Variants in EPB41 observed in about 807,000 individuals in gnomAD.
EPB41 encodes the protein protein 4.1.
EPB41 carries 65 observed loss-of-function variants against 108.0 expected under a neutral mutation model. The observed-to-expected ratio is 0.60, with a 90% confidence interval of 0.49 to 0.74. The LOEUF (loss-of-function observed/expected upper bound fraction) is 0.74. EPB41 is among the 30% of genes least tolerant of loss of function. The pLI is 0.00. For missense variants in EPB41, 875 were observed against 1,037.0 expected, an observed-to-expected ratio of 0.84 and a Z score of 2.15; for synonymous variants, 336 against 358.9, an observed-to-expected ratio of 0.94 and a Z score of 0.72.
At chr1:29,096,254 C>G in intron 16 of EPB41, 1 of 985,816 alleles carries the variant, frequency 1.0e-6, no homozygotes, top group Non-Finnish European at 1.2e-6. Flanking sequence ...TTCGGTAGTT[C>G]CTAGTAAAAG....
intron 1 of EPB41, among the ~76,000 whole-genome samples, chr1:28,965,233 A>G (rs2095329358): frequency 6.6e-6 from 1 of 152,156 alleles, no homozygotes; most frequent in Admixed American, 6.5e-5. Context: ...AAAGGAGAAA[A>G]AAGAAAAATA....
intron 1 of EPB41, among the ~76,000 whole-genome samples, chr1:28,964,949 A>G (rs1244431182): frequency 6.6e-6 from 1 of 151,820 alleles, no homozygotes; most frequent in Non-Finnish European, 1.5e-5. Context: ...CTTTTCTCTG[A>G]CTCTGCTCTG....
At chr1:29,050,105 T>G (rs1486005461) in intron 11 of EPB41, among the ~76,000 whole-genome samples, 6 of 152,246 alleles carry the variant, frequency 3.9e-5, no homozygotes, top group Non-Finnish European at 7.3e-5. Context: ...TTTGTAAGAT[T>G]AAGCTCCACG....
chr1:28,957,271 A>C (rs1029031542), intron 1 of EPB41, among the ~76,000 whole-genome samples: 1 of 152,274 alleles, frequency 6.6e-6, no homozygotes, highest in Non-Finnish European at 1.5e-5. Context: ...AGGCATCTTC[A>C]TGGGGATGCC....
At chr1:29,110,347 ATC>A (rs1668748980) in intron 18 of EPB41, among the ~76,000 whole-genome samples, 5 of 152,178 alleles carry the variant, frequency 3.3e-5, no homozygotes, top group African/African-American at 1.2e-4. Context: ...CCTAAAACCT[ATC>A]TCTGTAAAAA....
intron 15 of EPB41, among the ~76,000 whole-genome samples, chr1:29,061,011 A>G (rs1030927979): frequency 5.9e-5 from 9 of 152,150 alleles, no homozygotes; most frequent in Non-Finnish European, 1.2e-4. Flanking sequence ...TAGTTACTAT[A>G]AGATGGTTTA....
At chr1:29,041,147 T>TTAAATAAATAAA (rs35491137) in intron 11 of EPB41, 82 of 141,338 alleles carry the variant, frequency 5.8e-4, no homozygotes, top group African/African-American at 7.4e-4. Context: ...AATAAATAAA[T>TTAAATAAATAAA]TAAATAAATA....
chr1:28,934,164 T>C (rs2093882261), intron 1 of EPB41, among the ~76,000 whole-genome samples: 1 of 152,194 alleles, frequency 6.6e-6, no homozygotes, highest in Admixed American at 6.5e-5. Context: ...TAAGATTGCC[T>C]CAGTTGGGAT....
At chr1:29,078,326 T>C (rs1408298143) in intron 16 of EPB41, among the ~76,000 whole-genome samples, 4 of 152,226 alleles carry the variant, frequency 2.6e-5, no homozygotes, top group Non-Finnish European at 5.9e-5. Flanking sequence ...TTGTACTGTT[T>C]TGGAGAATTG....
rs536443557 is a variant in EPB41 at position 28,956,655 on chromosome 1, AT to A, written c.-7-30774del. The stretch of plus-strand genomic sequence containing the variant: ...ACCTTAGGAATTTCATTATTAGATA[AT>A]TATGTGTAACACTTTAATATTTATA... On this transcript the variant is annotated intron_variant, in intron 1 of 20. Coordinates refer to ENST00000343067, the MANE Select transcript of EPB41 (RefSeq NM_001376013.1). Among the ~76,000 whole-genome samples the A allele has an allele frequency of 3.7e-3, 570 of 152,344 alleles. 6 individuals carry two copies. The highest frequency in any genetic ancestry group is 0.013 in the African/African-American group (531 of 41,578).
chr1:28,932,471 C>CTTT (rs529648503), intron 1 of EPB41, among the ~76,000 whole-genome samples: 1 of 141,406 alleles, frequency 7.1e-6, no homozygotes, highest in Non-Finnish European at 1.6e-5. Flanking sequence ...GCTTTTTCTC[C>CTTT]TTTTTTTTTT....
rs1350219406 is a variant in EPB41 at position 29,097,813 on chromosome 1, C to T, written c.2191C>T (p.Leu731=). ...GQIPTGEGPP[L]VKTQTVTISD... ...TTTCCTTACTGCTTCACAGCCTCCCCTGGTGAAGACACAAACTGTCACCAT... is the reference window on the plus strand; with the variant it reads ...TTTCCTTACTGCTTCACAGCCTCCCTTGGTGAAGACACAAACTGTCACCAT... The change falls in exon 17 of 21, where the codon CTG becomes TTG. Residue 731 remains leucine, a synonymous_variant. Transcript: ENST00000343067. 9 of 1,613,978 alleles carry T rather than the reference C, an allele frequency of 5.6e-6. No homozygotes were observed. The highest frequency in any genetic ancestry group is 5.9e-6 in the Non-Finnish European group (7 of 1,179,892).
chr1:29,055,306 G>A (rs917997758), intron 12 of EPB41, among the ~76,000 whole-genome samples: 2 of 152,128 alleles, frequency 1.3e-5, no homozygotes, highest in Non-Finnish European at 2.9e-5. Flanking sequence ...ACTAAAAAGT[G>A]TTGGATTACT....
chr1:28,887,486 C>T lies in EPB41; in HGVS notation c.-8+276C>T, dbSNP rs2089552118. On this transcript the variant is annotated intron_variant, in intron 1 of 16. Coordinates refer to the EPB41 transcript ENST00000347529. The surrounding 1 kb of genome is among the most constrained non-coding windows in gnomAD (Gnocchi z 4.9). ...ATCCGGAGCTAGACACGTCCGGGTCCGGCCGGTCCTGGCTGTCTGGGGCGG... is the reference window on the plus strand; with the variant it reads ...ATCCGGAGCTAGACACGTCCGGGTCTGGCCGGTCCTGGCTGTCTGGGGCGG... 2.0e-6 allele frequency: 2 copies of T among 985,170 alleles called. No homozygotes were observed. The highest frequency in any genetic ancestry group is 2.4e-6 in the Non-Finnish European group (2 of 829,846). 61.0% of individuals were successfully genotyped at this position (985,170 alleles called of 1,614,324 possible). A position where few individuals can be genotyped will look rare whatever the true frequency, so the allele number is the denominator to read the frequency against.
At chr1:28,902,473 C>A (rs1170599912) in intron 1 of EPB41, 1 of 808,074 alleles carries the variant, frequency 1.2e-6, no homozygotes, top group East Asian at 1.3e-4. Flanking sequence ...CACTGGGAGC[C>A]AGGCTTGGAG....
chr1:28,949,517 A>G (rs552204287), intron 1 of EPB41, among the ~76,000 whole-genome samples: 63 of 152,148 alleles, frequency 4.1e-4, no homozygotes, highest in African/African-American at 1.5e-3. Flanking sequence ...TATATTGTTT[A>G]GTTTTGCTTG....
upstream of EPB41, chr1:28,914,407 A>C (rs917475680): frequency 2.0e-5 from 3 of 152,446 alleles, no homozygotes; most frequent in Non-Finnish European, 4.4e-5. Flanking sequence ...AAACAAGGGG[A>C]GCTAGAAGTT....
chr1:28,910,884 C>T (rs962428832), upstream of EPB41: 82 of 764,470 alleles, frequency 1.1e-4, no homozygotes, highest in Non-Finnish European at 1.2e-4. Context: ...AGCTGGCAGG[C>T]GAGATAGAGA....
intron 2 of EPB41, chr1:28,989,229 C>T: frequency 5.8e-6 from 1 of 172,256 alleles, no homozygotes; most frequent in Non-Finnish European, 1.2e-5. Flanking sequence ...GTATATTAGT[C>T]TGGGGCCTTA....
Sources: gnomAD v4.1 joint callset for allele counts (sites outside exome capture counted in the v4.1 genomes callset) on GRCh38, gnomAD v4.1.1 for gene constraint, Gnocchi (gnomAD v3.1) non-coding constraint, MANE v1.5 for transcripts, NCBI Gene and HGNC (gene_info 2026-07-23, HGNC 2026-07-21) for gene names.